The following TGFB3 variants were observed in gnomAD, a reference collection of about 807,000 sequenced individuals.
TGFB3 encodes the protein transforming growth factor beta 3.
TGFB3 carries 5 observed loss-of-function variants against 40.1 expected under a neutral mutation model. That is an observed-to-expected ratio of 0.12 (90% CI 0.07 to 0.26). TGFB3 has a LOEUF of 0.26. Ranked by LOEUF, TGFB3 falls within the 10% of genes least tolerant of loss-of-function variation. TGFB3 has a pLI of 1.00. For missense variants in TGFB3, 373 were observed against 530.1 expected, an observed-to-expected ratio of 0.70 and a Z score of 2.91; for synonymous variants, 184 against 205.6, an observed-to-expected ratio of 0.89 and a Z score of 0.90.
chr14:75,981,098 G>T lies in TGFB3; in HGVS notation c.-205C>A, dbSNP rs1226086718. ...TGGCAACCCTGAGGACGAAGAAGCG[G>T]ACTGTGTGCCTTGTAGCGCTGGGAT... On this transcript the variant is annotated 5_prime_UTR_variant, in exon 1 of 7. Coordinates refer to ENST00000238682, the MANE Select transcript of TGFB3 (RefSeq NM_003239.5). This position sits in a 1 kb window ranked among gnomAD's most constrained non-coding sequence, Gnocchi z 4.7. The T allele has an allele frequency of 4.9e-6, 3 of 618,096 alleles. No individual in the cohort carries two copies. The African/African-American group carries it at 5.5e-5, about 11-fold the overall frequency. The allele number at this position is 618,096 out of a possible 1,614,324, so 38.3% of individuals were successfully genotyped here.
intron 4 of TGFB3, among the ~76,000 whole-genome samples, chr14:75,964,610 G>A (rs546779379): frequency 6.6e-6 from 1 of 152,266 alleles, no homozygotes; most frequent in East Asian, 1.9e-4. Context: ...TACAGGAGTG[G>A]CTCGGGTCTC....
intron 5 of TGFB3, among the ~76,000 whole-genome samples, chr14:75,962,806 T>C (rs546683491): frequency 6.6e-6 from 1 of 152,352 alleles, no homozygotes; most frequent in African/African-American, 2.4e-5. Context: ...ATCTCTCTAT[T>C]GTGGCTACCC....
At position 75,963,384 on chromosome 14, in the gene TGFB3, G is replaced by C. The variant is rs200626284; in HGVS notation, c.858C>G (p.His286Gln). 1.2e-6 allele frequency: 2 copies of C among 1,614,194 alleles called. No homozygotes were observed. Among genetic ancestry groups the C allele is most frequent in the East Asian group, 2.2e-5 (1 of 44,880 alleles). The change falls in exon 5 of 7, where the codon CAC (histidine) becomes CAG (glutamine). Residue 286 changes from histidine (H) to glutamine (Q), a missense_variant. His to Gln is a conservative substitution (Grantham distance 24). Coordinates refer to ENST00000238682, the MANE Select transcript of TGFB3 (RefSeq NM_003239.5). ...CCCCCTGGCCCGGGTTGTCGAGCCG[G>C]TGTGGGGGAATCATCATGAGGATTA... ...PHLILMMIPP[H>Q]RLDNPGQGGQ...
chr14:75,975,911 A>G (rs1474267014), intron 1 of TGFB3, among the ~76,000 whole-genome samples: 1 of 152,256 alleles, frequency 6.6e-6, no homozygotes, highest in Admixed American at 6.5e-5. Context: ...AGTATTATTG[A>G]GAGCTGGACT....
At position 75,958,278 on chromosome 14, in the gene TGFB3, G is replaced by A. The variant is rs1008920691; in HGVS notation, c.*909C>T. ...TGTGTGGCACATGTGCAGCTTCCCC[G>A]AATGCCTCACATGTTGTAGCACCTG... On this transcript the variant is annotated 3_prime_UTR_variant, in exon 7 of 7. Transcript: ENST00000238682. 1.3e-5 allele frequency: 2 copies of A among 152,758 alleles called. No individual in the cohort carries two copies. The highest frequency in any genetic ancestry group is 6.5e-5 in the Admixed American group (1 of 15,300). The allele number at this position is 152,758 out of a possible 1,614,324, so 9.5% of individuals were successfully genotyped here.
Position 75,978,424 on chromosome 14 carries a change from C to T in TGFB3, c.352+2118G>A, listed in dbSNP as rs2268626. The stretch of plus-strand genomic sequence containing the variant: ...GCCTCTCTGGGGTGGGCTCAGCACC[C>T]GACCAGCTGCAGGGCGGGCCCAGGT... On this transcript the variant is annotated intron_variant, in intron 1 of 6. Coordinates refer to ENST00000238682, the MANE Select transcript of TGFB3 (RefSeq NM_003239.5). This position sits in a 1 kb window ranked among gnomAD's most constrained non-coding sequence, Gnocchi z 5.0. Among the ~76,000 whole-genome samples the T allele has an allele frequency of 0.8, 121,003 of 152,164 alleles. 48,272 individuals are homozygous for T. The highest frequency in any genetic ancestry group is 0.83 in the South Asian group (3,992 of 4,818).
Position 75,979,224 on chromosome 14 carries a change from C to T in TGFB3, c.352+1318G>A, listed in dbSNP as rs917473478. ...CAGGCTCCTCTGCCTGGCGTGGAGC[C>T]GTGAACGGGGCCTTTGCACCTCCAG... On this transcript the variant is annotated intron_variant, in intron 1 of 6. Coordinates refer to ENST00000238682, the MANE Select transcript of TGFB3 (RefSeq NM_003239.5). The surrounding 1 kb of genome is among the most constrained non-coding windows in gnomAD (Gnocchi z 4.8). Among the ~76,000 whole-genome samples the T allele has an allele frequency of 2.0e-5, 3 of 152,182 alleles. No individual in the cohort carries two copies. The highest frequency in any genetic ancestry group is 4.8e-5 in the African/African-American group (2 of 41,452).
chr14:75,965,501 G>A (rs2035210295), intron 4 of TGFB3, 87 bp downstream of exon 4: 1 of 1,148,200 alleles, frequency 8.7e-7, no homozygotes, highest in Non-Finnish European at 1.3e-6. Context: ...TTCTTTTCTT[G>A]AGGTCTGGTA....
chr14:75,968,209 A>T (rs2035244060), intron 3 of TGFB3, among the ~76,000 whole-genome samples: 1 of 152,188 alleles, frequency 6.6e-6, no homozygotes, highest in Non-Finnish European at 1.5e-5. Flanking sequence ...TTTCTCATCA[A>T]TCTACACCGC....
chr14:75,964,982 C>T (rs1009942007), intron 4 of TGFB3, among the ~76,000 whole-genome samples: 2 of 152,166 alleles, frequency 1.3e-5, no homozygotes, highest in African/African-American at 4.8e-5. Context: ...CAGAGATCAT[C>T]AAGGCTGAGT....
chr14:75,961,179 A>G (rs1331653642), intron 5 of TGFB3, 103 bp from the exon 6 acceptor site: 10 of 1,362,538 alleles, frequency 7.3e-6, no homozygotes, highest in Non-Finnish European at 9.2e-6. Context: ...ATGCCATCAT[A>G]GGTGGCTCTG....
rs1210548440 is a variant in TGFB3, at chr14:75,981,987, C to A, written c.-1094G>T. ...TCTCTCACACACACACACATGCACA[C>A]ACACTGCTTTCTCTATTTCTCTCTG... On this transcript the variant is annotated 5_prime_UTR_variant, in exon 1 of 7. Coordinates refer to ENST00000238682, the MANE Select transcript of TGFB3 (RefSeq NM_003239.5). The surrounding 1 kb of genome is among the most constrained non-coding windows in gnomAD (Gnocchi z 4.7). Among the ~76,000 whole-genome samples, 1 of 151,962 alleles carries A rather than the reference C, an allele frequency of 6.6e-6. No homozygotes were observed. The highest frequency in any genetic ancestry group is 2.4e-5 in the African/African-American group (1 of 41,350).
At position 75,980,212 on chromosome 14, in the gene TGFB3, G is replaced by A. The variant is rs914370912; in HGVS notation, c.352+330C>T. On this transcript the variant is annotated intron_variant, in intron 1 of 6. Coordinates refer to ENST00000238682, the MANE Select transcript of TGFB3 (RefSeq NM_003239.5). The surrounding 1 kb of genome is among the most constrained non-coding windows in gnomAD (Gnocchi z 4.3). ...CCCAGATGCTTACAGTTACTGATAC[G>A]ATCGCATGTGCAAGAATACATATGT... Among the ~76,000 whole-genome samples the A allele has an allele frequency of 3.9e-5, 6 of 152,164 alleles. No homozygotes were observed. Among genetic ancestry groups the A allele is most frequent in the African/African-American group, 1.2e-4 (5 of 41,434 alleles).
At chr14:75,963,092 C>T (rs2035176753) in intron 5 of TGFB3, 11 of 620,050 alleles carry the variant, frequency 1.8e-5, no homozygotes, top group Middle Eastern at 4.3e-4. Flanking sequence ...CTTCAGCCAG[C>T]TCCTTCCAGA....
chr14:75,963,607 G>T, intron 4 of TGFB3, 120 bp from the exon 5 acceptor site: 2 of 1,218,116 alleles, frequency 1.6e-6, no homozygotes, highest in Non-Finnish European at 2.4e-6. Flanking sequence ...TGCGAGGGAG[G>T]TGTGGGGGAC....
intron 1 of TGFB3, among the ~76,000 whole-genome samples, chr14:75,972,509 T>A (rs2035305856): frequency 6.6e-6 from 1 of 151,970 alleles, no homozygotes; most frequent in Admixed American, 6.6e-5. Flanking sequence ...TTCAGAGAAG[T>A]CCAGGAGTTG....
rs1010795255 is a variant in TGFB3, at chr14:75,960,853, C to T, written c.1080+70G>A. The stretch of plus-strand genomic sequence containing the variant: ...TGCTCACTCAACATTCAATCCTTCA[C>T]TCATTCTTTTTAACAAGTGGTCTGG... On this transcript the variant is annotated intron_variant, in intron 6 of 6. Transcript: ENST00000238682. 6.9e-6 allele frequency: 11 copies of T among 1,600,310 alleles called. No individual in the cohort carries two copies. In the African/African-American group the frequency reaches 1.2e-4, roughly 18 times the overall value.
intron 6 of TGFB3, among the ~76,000 whole-genome samples, chr14:75,960,541 C>T (rs2035142993): frequency 6.6e-6 from 1 of 152,166 alleles, no homozygotes; most frequent in South Asian, 2.1e-4. Context: ...TGTTGTCTTT[C>T]AGAGTAAGTT....
At position 75,963,385 on chromosome 14, in the gene TGFB3, T is replaced by A. The variant is rs1007070663; in HGVS notation, c.857A>T (p.His286Leu). Residue 286 changes from histidine to leucine, a missense_variant, in exon 5 of 7, where the codon CAC becomes CTC. Coordinates refer to ENST00000238682, the MANE Select transcript of TGFB3 (RefSeq NM_003239.5). Reference sequence around the variant, plus strand: ...CCCCTGGCCCGGGTTGTCGAGCCGGTGTGGGGGAATCATCATGAGGATTAG... The same window carrying A: ...CCCCTGGCCCGGGTTGTCGAGCCGGAGTGGGGGAATCATCATGAGGATTAG... ...PHLILMMIPPHRLDNPGQGGQ... is the reference protein window; with the variant it reads ...PHLILMMIPPLRLDNPGQGGQ... 1.2e-6 allele frequency: 2 copies of A among 1,614,134 alleles called. No homozygotes were observed. Among genetic ancestry groups the A allele is most frequent in the Non-Finnish European group, 1.7e-6 (2 of 1,180,024 alleles).
Sources: gnomAD v4.1 joint callset for allele counts (sites outside exome capture counted in the v4.1 genomes callset) on GRCh38, gnomAD v4.1.1 for gene constraint, Gnocchi (gnomAD v3.1) non-coding constraint, MANE v1.5 for transcripts, NCBI Gene and HGNC (gene_info 2026-07-23, HGNC 2026-07-21) for gene names.